SRI: variants seen among roughly 807,000 people sequenced by gnomAD.
SRI encodes the protein sorcin.
SRI carries 30 observed loss-of-function variants against 33.3 expected under a neutral mutation model. The ratio of observed to expected loss-of-function variants is 0.90; its 90% CI spans 0.67 to 1.22. The LOEUF (loss-of-function observed/expected upper bound fraction) is 1.22. Among genes scored for constraint, SRI ranks in the 50% most tolerant of loss-of-function variants. The probability of loss-of-function intolerance (pLI) is 0.00; values close to 1 mark genes in which losing one functional copy is unlikely to be tolerated. For missense variants in SRI, 243 were observed against 250.8 expected, an observed-to-expected ratio of 0.97 and a Z score of 0.21; for synonymous variants, 75 against 89.9, an observed-to-expected ratio of 0.83 and a Z score of 0.94.
At chr7:88,221,689 A>T (rs1851890998), upstream of SRI, among the ~76,000 whole-genome samples, 2 of 151,472 alleles carry the variant, frequency 1.3e-5, no homozygotes, top group East Asian at 3.9e-4. Flanking sequence ...AAAGAATTGA[A>T]TTTTTTTTTT....
At chr7:88,213,106 G>C (rs1245285867) in intron 3 of SRI, among the ~76,000 whole-genome samples, 1 of 152,132 alleles carries the variant, frequency 6.6e-6, no homozygotes, top group Non-Finnish European at 1.5e-5. Flanking sequence ...AACAGCTGTA[G>C]AGTCCATTTC....
chr7:88,207,987 C>CA (rs878930622), intron 7 of SRI: 285 of 122,144 alleles, frequency 2.3e-3, no homozygotes, highest in South Asian at 2.5e-3. Flanking sequence ...GACTCCATCT[C>CA]AAAAAAAAAA....
At chr7:88,224,710 G>C (rs1851960137), upstream of SRI, among the ~76,000 whole-genome samples, 1 of 152,108 alleles carries the variant, frequency 6.6e-6, no homozygotes, top group Admixed American at 6.5e-5. Flanking sequence ...ATGCTATTAT[G>C]TAATTTTTTC....
intron 1 of SRI, among the ~76,000 whole-genome samples, chr7:88,225,591 A>T (rs532733934): frequency 6.6e-6 from 1 of 152,212 alleles, no homozygotes; most frequent in Non-Finnish European, 1.5e-5. Context: ...GAGGAAACTG[A>T]GACTCTGACT....
At chr7:88,210,522 G>T (rs201512024) in intron 4 of SRI, 5 of 384,678 alleles carry the variant, frequency 1.3e-5, no homozygotes, top group Non-Finnish European at 2.4e-5. Flanking sequence ...AATGAGGTGG[G>T]ATGGAATGCA....
chr7:88,214,885 A>G (rs1851669818), intron 3 of SRI: 1 of 1,178,654 alleles, frequency 8.5e-7, no homozygotes, highest in Admixed American at 2.3e-5. Context: ...ATGGACCTAG[A>G]AGGAAAGCCC....
chr7:88,206,640 A>G, intron 7 of SRI, 136 bp from the exon 8 acceptor site: 1 of 901,950 alleles, frequency 1.1e-6, no homozygotes, highest in Non-Finnish European at 1.7e-6. Flanking sequence ...ATATGAGTAA[A>G]TGATAGATGG....
upstream of SRI, among the ~76,000 whole-genome samples, chr7:88,221,699 TA>T (rs1563478758): frequency 6.6e-6 from 1 of 152,218 alleles, no homozygotes; most frequent in African/African-American, 2.4e-5. Flanking sequence ...ATTTTTTTTT[TA>T]ATTACACTTT....
upstream of SRI, chr7:88,220,183 GC>G: frequency 7.6e-7 from 1 of 1,314,256 alleles, no homozygotes; most frequent in Non-Finnish European, 9.6e-7. Flanking sequence ...TGTGCGCGCG[GC>G]CGTGGCTCCC....
At chr7:88,207,924 G>A (rs757565776) in intron 7 of SRI, 3 of 151,856 alleles carry the variant, frequency 2.0e-5, no homozygotes, top group Non-Finnish European at 4.4e-5. Flanking sequence ...AGACGTGGAG[G>A]TTGCAGTGAG....
Position 88,226,907 on chromosome 7 carries a change from GC to G in SRI, c.6+1del. On this transcript the variant is annotated splice_donor_variant, in intron 1 of 7. Coordinates refer to the SRI transcript ENST00000394641. LOFTEE classifies it high-confidence loss of function. Reference sequence around the variant, plus strand: ...AATATTATATACATATCATTTACTTGCCTGCATCTTGAGTTGAAGTCTTATA... The same window carrying G: ...AATATTATATACATATCATTTACTTGCTGCATCTTGAGTTGAAGTCTTATA... 1 of 1,613,546 alleles carries G rather than the reference GC, an allele frequency of 6.2e-7. No individual in the cohort carries two copies. Among genetic ancestry groups the G allele is most frequent in the Non-Finnish European group, 8.5e-7 (1 of 1,179,662 alleles).
intron 1 of SRI, 91 bp from the exon 2 acceptor site, chr7:88,219,033 C>G (rs1851809855): frequency 4.7e-6 from 5 of 1,062,536 alleles, no homozygotes; most frequent in African/African-American, 4.7e-5. Context: ...CAGACAACTG[C>G]CCGCCTGCCC....
intron 3 of SRI, chr7:88,214,716 T>G (rs1430077013): frequency 1.3e-5 from 5 of 398,196 alleles, no homozygotes; most frequent in Non-Finnish European, 1.7e-5. Flanking sequence ...ATTAAAATTA[T>G]TAATTCAACA....
intron 6 of SRI, 190 bp downstream of exon 6, chr7:88,209,149 C>T (rs939002806): frequency 1.1e-5 from 5 of 442,724 alleles, no homozygotes; most frequent in Non-Finnish European, 2.0e-5. Flanking sequence ...AGATTACTTA[C>T]TAATCTAAAA....
rs1285057051 is a variant in SRI, at chr7:88,219,995, C to G, written c.32G>C (p.Gly11Ala). ...ACTTACCCCGCCTGGGTAGTACCCGCCGCCGGCGCCAGGATGCCCCGGGTA... is the reference window on the plus strand; with the variant it reads ...ACTTACCCCGCCTGGGTAGTACCCGGCGCCGGCGCCAGGATGCCCCGGGTA... MAYPGHPGAG[G>A]GYYPGGYGGA... The change falls in exon 1 of 8, where the codon GGC (glycine) becomes GCC (alanine). Residue 11 changes from glycine (G) to alanine (A), a missense_variant. Coordinates refer to ENST00000265729, the MANE Select transcript of SRI (RefSeq NM_003130.4). The G allele has an allele frequency of 6.5e-7, 1 of 1,537,386 alleles. No homozygotes were observed. The highest frequency in any genetic ancestry group is 1.4e-5 in the African/African-American group (1 of 71,894).
upstream of SRI, among the ~76,000 whole-genome samples, chr7:88,222,159 G>A (rs373493241): frequency 6.1e-4 from 91 of 148,640 alleles, no homozygotes; most frequent in African/African-American, 2.2e-3. Context: ...ACGTGTGCAT[G>A]TGTCTTTATA....
intron 3 of SRI, among the ~76,000 whole-genome samples, chr7:88,215,213 CAG>C (rs1345896509): frequency 2.0e-5 from 3 of 152,326 alleles, no homozygotes; most frequent in African/African-American, 7.2e-5. Context: ...GTACGGCCAC[CAG>C]AGAGTAGGCA....
At chr7:88,216,971 A>G (rs1470295581) in intron 3 of SRI, 151 bp downstream of exon 3, 1 of 756,674 alleles carries the variant, frequency 1.3e-6, no homozygotes, top group Non-Finnish European at 2.3e-6. Flanking sequence ...TCAAATCAAC[A>G]TTTTGAAATA....
At chr7:88,213,900 A>G (rs559098133) in intron 3 of SRI, among the ~76,000 whole-genome samples, 1 of 152,294 alleles carries the variant, frequency 6.6e-6, no homozygotes, top group African/African-American at 2.4e-5. Context: ...GACACAGAAA[A>G]TTTTCCATAT....
Sources: allele counts gnomAD v4.1 joint callset (sites outside exome capture counted in the v4.1 genomes callset), GRCh38; gene constraint gnomAD v4.1.1; transcripts MANE v1.5; gene names NCBI Gene and HGNC (gene_info 2026-07-23, HGNC 2026-07-21).